SYBU: variants seen among roughly 807,000 people sequenced by gnomAD.
SYBU encodes syntabulin.
SYBU carries 21 observed loss-of-function variants against 35.9 expected under a neutral mutation model. The observed-to-expected ratio is 0.58, with a 90% CI of 0.41 to 0.84. The LOEUF (loss-of-function observed/expected upper bound fraction) is 0.84, where lower values mean the gene tolerates loss of function less well. Among genes scored for constraint, SYBU ranks in the 40% least tolerant of loss-of-function variants. The pLI is 0.00. For missense variants in SYBU, 768 were observed against 848.2 expected, an observed-to-expected ratio of 0.91 and a Z score of 1.17; for synonymous variants, 319 against 324.3, an observed-to-expected ratio of 0.98 and a Z score of 0.18.
At position 109,584,613 on chromosome 8, in the gene SYBU, T is replaced by C. The variant is rs1462058368; in HGVS notation, c.530+1447A>G. The stretch of plus-strand genomic sequence containing the variant: ...CAAAATGGTGGTGGTGGGTGGGGGC[T>C]GGGGATAGAGCAATTGTGCTTTATT... On this transcript the variant is annotated intron_variant, in intron 4 of 6. Transcript: ENST00000276646. This position sits in a 1 kb window ranked among gnomAD's most constrained non-coding sequence, Gnocchi z 4.0. Among the ~76,000 whole-genome samples, 2 of 152,096 alleles carry C rather than the reference T, an allele frequency of 1.3e-5. No homozygotes were observed. The highest frequency in any genetic ancestry group is 6.6e-5 in the Admixed American group (1 of 15,266).
intron 1 of SYBU, among the ~76,000 whole-genome samples, chr8:109,676,418 TG>T: frequency 6.6e-6 from 1 of 152,336 alleles, no homozygotes; most frequent in South Asian, 2.1e-4. Flanking sequence ...CTCCTTAAGC[TG>T]ATAAGCAACT....
At chr8:109,651,861 T>C (rs1816155600) in intron 1 of SYBU, among the ~76,000 whole-genome samples, 1 of 152,166 alleles carries the variant, frequency 6.6e-6, no homozygotes, top group Non-Finnish European at 1.5e-5. Flanking sequence ...CAATAAGTTT[T>C]CTCTCGATGA....
intron 1 of SYBU, among the ~76,000 whole-genome samples, chr8:109,644,376 C>T (rs769601350): frequency 3.3e-5 from 5 of 152,124 alleles, no homozygotes; most frequent in Admixed American, 6.5e-5. Flanking sequence ...AGCTACACCC[C>T]ACAGTCCCAG....
chr8:109,577,652 G>A (rs529201084), intron 6 of SYBU, among the ~76,000 whole-genome samples: 68 of 152,190 alleles, frequency 4.5e-4, no homozygotes, highest in African/African-American at 1.5e-3. Context: ...GAAAAACAAA[G>A]GTTCCCCTCT....
At chr8:109,659,734 A>G (rs539442108) in intron 1 of SYBU, among the ~76,000 whole-genome samples, 2 of 152,046 alleles carry the variant, frequency 1.3e-5, no homozygotes, top group African/African-American at 2.4e-5. Context: ...TTTCCCCCCA[A>G]ATCTTATAGG....
At chr8:109,641,850 TTGG>T (rs1237759921) in intron 2 of SYBU, among the ~76,000 whole-genome samples, 4 of 152,240 alleles carry the variant, frequency 2.6e-5, no homozygotes, top group African/African-American at 7.2e-5. Flanking sequence ...TTTTACACTG[TTGG>T]TGGGAGTGTA....
At position 109,575,986 on chromosome 8, in the gene SYBU, G is replaced by A. The variant is rs776347751; in HGVS notation, c.912C>T (p.Ser304=). Residue 304 remains serine, a synonymous_variant, in exon 7 of 7, where the codon TCC becomes TCT. Coordinates refer to ENST00000276646, the MANE Select transcript of SYBU (RefSeq NM_001099754.2). ...AGTCCTCTCGCATGCGGGCCAGCTG[G>A]GACTTAAGCTCCACGATTTCACTTT... ...ERESEIVELK[S]QLARMREDWI... 1 of 1,604,158 alleles carries A rather than the reference G, an allele frequency of 6.2e-7. No individual in the cohort carries two copies.
chr8:109,680,148 A>T (rs1033027915), intron 1 of SYBU: 1 of 152,244 alleles, frequency 6.6e-6, no homozygotes, highest in African/African-American at 2.4e-5. Context: ...AATTAATTCA[A>T]TTTAAAATGT....
chr8:109,599,161 A>C (rs1825222847), intron 3 of SYBU, among the ~76,000 whole-genome samples: 1 of 152,216 alleles, frequency 6.6e-6, no homozygotes, highest in Non-Finnish European at 1.5e-5. Context: ...TGTATCCCCC[A>C]CCAGAGAGCA....
intron 2 of SYBU, among the ~76,000 whole-genome samples, chr8:109,628,665 A>G (rs986827150): frequency 3.9e-5 from 6 of 152,004 alleles, no homozygotes; most frequent in African/African-American, 1.5e-4. Context: ...ATCTACAAAA[A>G]GATTTTTTTT....
intron 1 of SYBU, among the ~76,000 whole-genome samples, chr8:109,668,165 GGAGAGAGAGAGA>G (rs60330422): frequency 7.9e-5 from 7 of 89,048 alleles, no homozygotes; most frequent in African/African-American, 2.4e-4. Flanking sequence ...GGGGAGAGGG[GGAGAGAGAGAGA>G]GAGAGAGAGA....
intron 3 of SYBU, among the ~76,000 whole-genome samples, chr8:109,618,242 T>A (rs11989234): frequency 0.011 from 1,643 of 152,362 alleles, 27 homozygotes; most frequent in African/African-American, 0.036. Context: ...ATTCTGAGAA[T>A]TGACCTTTTC....
chr8:109,669,339 C>CAAAAAAAAAAAAAAAAA (rs533510895), intron 1 of SYBU, among the ~76,000 whole-genome samples: 1 of 49,682 alleles, frequency 2.0e-5, no homozygotes, highest in Non-Finnish European at 4.1e-5. Context: ...GAGACTCCGT[C>CAAAAAAAAAAAAAAAAA]AAAAAAAAAA....
Position 109,644,324 on chromosome 8 carries a change from A to G in SYBU, c.24+312T>C, listed in dbSNP as rs577214834. The G allele has an allele frequency of 3.5e-5, 20 of 578,282 alleles. No individual in the cohort carries two copies. In the East Asian group the frequency reaches 5.7e-4, roughly 16 times the overall value. The allele number at this position is 578,282 out of a possible 1,614,324, so 35.8% of individuals were successfully genotyped here. On this transcript the variant is annotated intron_variant, in intron 1 of 6. Transcript: ENST00000276646. ...TCTTTTCCCAGTCGCGGATGCATCA[A>G]ATTCCTTTCATTCACATCACACACA... is the stretch of plus-strand genomic sequence containing the variant.
At chr8:109,684,281 C>T (rs551286808), upstream of SYBU, among the ~76,000 whole-genome samples, 2 of 152,098 alleles carry the variant, frequency 1.3e-5, no homozygotes, top group African/African-American at 4.8e-5. Flanking sequence ...GTGATTAACA[C>T]AGCTAAGCTA....
chr8:109,602,333 CTT>C (rs1007256815), intron 3 of SYBU, among the ~76,000 whole-genome samples: 10 of 151,610 alleles, frequency 6.6e-5, no homozygotes, highest in South Asian at 2.1e-4. Flanking sequence ...AACAATGTCT[CTT>C]ATATATTGCC....
chr8:109,595,399 T>C (rs772026569), intron 3 of SYBU, among the ~76,000 whole-genome samples: 2 of 152,350 alleles, frequency 1.3e-5, no homozygotes, highest in African/African-American at 2.4e-5. Context: ...AGGGAGCTAA[T>C]GACCCAACCC....
intron 1 of SYBU, among the ~76,000 whole-genome samples, chr8:109,669,234 C>T (rs1357506015): frequency 6.8e-6 from 1 of 147,732 alleles, no homozygotes; most frequent in Non-Finnish European, 1.5e-5. Context: ...CCCAGCTACT[C>T]GGGAGGCTGA....
intron 1 of SYBU, among the ~76,000 whole-genome samples, chr8:109,689,892 A>G (rs930882650): frequency 1.3e-5 from 2 of 148,864 alleles, no homozygotes; most frequent in Non-Finnish European, 3.0e-5. Flanking sequence ...TAAGTGTGCC[A>G]CTGGCTAAAT....
Sources: gnomAD v4.1 joint callset for allele counts (sites outside exome capture counted in the v4.1 genomes callset) on GRCh38, gnomAD v4.1.1 for gene constraint, Gnocchi (gnomAD v3.1) non-coding constraint, MANE v1.5 for transcripts, NCBI Gene and HGNC (gene_info 2026-07-23, HGNC 2026-07-21) for gene names.